Variants in SH3BGRL observed in about 807,000 individuals in gnomAD.
SH3BGRL encodes SH3 domain binding glutamate rich protein like.
SH3BGRL carries 7 observed loss-of-function variants against 9.8 expected under a neutral mutation model. That is an observed-to-expected ratio of 0.72 (90% CI 0.41 to 1.35). The LOEUF (loss-of-function observed/expected upper bound fraction) is 1.35, where lower values mean the gene tolerates loss of function less well. Ranked by LOEUF, SH3BGRL falls within the 40% of genes most tolerant of loss-of-function variation. The pLI, the probability that SH3BGRL is intolerant of heterozygous loss-of-function variation, is 0.01. For synonymous variants in SH3BGRL, 36 were observed against 29.1 expected, an observed-to-expected ratio of 1.24 and a Z score of -0.76; for missense variants, 73 against 84.4, an observed-to-expected ratio of 0.86 and a Z score of 0.53.
chrX:81,268,839 T>G (rs2075766718), intron 1 of SH3BGRL, among the ~76,000 whole-genome samples: 1 of 111,346 alleles, frequency 9.0e-6, no homozygotes. Context: ...CCATTATTAT[T>G]GTGTGGGAGT....
chrX:81,272,195 CA>C (rs11380632), intron 1 of SH3BGRL, among the ~76,000 whole-genome samples: 29 of 74,823 alleles, frequency 3.9e-4, no homozygotes, highest in East Asian at 4.3e-4. Context: ...AGACTGCGTC[CA>C]AAAAAAAAAA....
chrX:81,260,313 T>C (rs1303243819), intron 1 of SH3BGRL, among the ~76,000 whole-genome samples: 2 of 111,153 alleles, frequency 1.8e-5, no homozygotes, highest in African/African-American at 6.5e-5. Flanking sequence ...TTGGAGCATG[T>C]TCCTTAATCC....
At chrX:81,293,009 CTG>C (rs1250753341) in intron 3 of SH3BGRL, among the ~76,000 whole-genome samples, 1 of 112,133 alleles carries the variant, frequency 8.9e-6, no homozygotes, top group Non-Finnish European at 1.9e-5. Flanking sequence ...GGCTCTGTGT[CTG>C]CATCCAAATC....
intron 1 of SH3BGRL, among the ~76,000 whole-genome samples, chrX:81,247,435 T>C (rs1275461811): frequency 8.9e-6 from 1 of 111,887 alleles, no homozygotes; most frequent in Admixed American, 9.5e-5. Flanking sequence ...TGATGTTGGC[T>C]GTTGGTTTGA....
chrX:81,230,465 T>G (rs2075629549), intron 1 of SH3BGRL, among the ~76,000 whole-genome samples: 1 of 112,004 alleles, frequency 8.9e-6, no homozygotes. Context: ...CTGGAGGTGA[T>G]GTTTAAACTG....
intron 1 of SH3BGRL, among the ~76,000 whole-genome samples, chrX:81,231,611 G>C (rs933615870): frequency 3.6e-5 from 4 of 111,883 alleles, no homozygotes; most frequent in Non-Finnish European, 7.5e-5. Context: ...TAGAAGGAGG[G>C]TTCCTAACTC....
chrX:81,294,316 C>T (rs2075867286), intron 3 of SH3BGRL, among the ~76,000 whole-genome samples: 1 of 109,830 alleles, frequency 9.1e-6, no homozygotes, highest in South Asian at 3.9e-4. Flanking sequence ...TGGTTCAGAC[C>T]CAGTGTCTGC....
intron 3 of SH3BGRL, among the ~76,000 whole-genome samples, chrX:81,289,362 CA>C (rs1424873082): frequency 9.0e-6 from 1 of 111,079 alleles, no homozygotes; most frequent in Non-Finnish European, 1.9e-5. Context: ...TTGATCTGGG[CA>C]AAAATTTGTT....
intron 3 of SH3BGRL, among the ~76,000 whole-genome samples, chrX:81,280,396 T>A (rs781536432): frequency 9.0e-6 from 1 of 111,697 alleles, no homozygotes; most frequent in East Asian, 2.8e-4. Context: ...CCACCAAAGC[T>A]TAGGACCCTC....
intron 1 of SH3BGRL, among the ~76,000 whole-genome samples, chrX:81,239,070 C>A (rs1361989562): frequency 3.6e-5 from 4 of 111,434 alleles, no homozygotes; most frequent in Non-Finnish European, 7.5e-5. Flanking sequence ...ACAAACAAGC[C>A]CAAACATTGA....
chrX:81,227,694 C>T (rs987518806), intron 1 of SH3BGRL, among the ~76,000 whole-genome samples: 3 of 111,817 alleles, frequency 2.7e-5, no homozygotes, highest in South Asian at 7.4e-4. Context: ...ATAATAATAA[C>T]ATTTACTTGC....
At chrX:81,241,385 T>C (rs1003968590) in intron 1 of SH3BGRL, among the ~76,000 whole-genome samples, 1 of 111,816 alleles carries the variant, frequency 8.9e-6, no homozygotes. Context: ...ACAGATAAAG[T>C]CTGAAATCTG....
chrX:81,270,438 G>A (rs1190572940), intron 1 of SH3BGRL, among the ~76,000 whole-genome samples: 1 of 112,189 alleles, frequency 8.9e-6, no homozygotes, highest in East Asian at 2.8e-4. Context: ...TGATGTTGAT[G>A]CTATTCCTTT....
At chrX:81,232,012 C>T (rs1416009060) in intron 1 of SH3BGRL, among the ~76,000 whole-genome samples, 2 of 105,632 alleles carry the variant, frequency 1.9e-5, no homozygotes, top group Non-Finnish European at 4.0e-5. Context: ...GTGTGTGTGT[C>T]TACACAGACA....
intron 3 of SH3BGRL, among the ~76,000 whole-genome samples, chrX:81,282,012 A>C (rs867761515): frequency 2.7e-5 from 3 of 112,037 alleles, no homozygotes; most frequent in Middle Eastern, 4.6e-3. Flanking sequence ...ATGGACACCA[A>C]ATGAGAGTGG....
At chrX:81,264,239 TC>T (rs748707762) in intron 1 of SH3BGRL, among the ~76,000 whole-genome samples, 74 of 108,801 alleles carry the variant, frequency 6.8e-4, no homozygotes, top group Middle Eastern at 4.7e-3. Flanking sequence ...GTCTAGTATA[TC>T]CCCCCCATGA....
At chrX:81,289,127 C>T (rs1422017961) in intron 3 of SH3BGRL, among the ~76,000 whole-genome samples, 1 of 111,939 alleles carries the variant, frequency 8.9e-6, no homozygotes, top group East Asian at 2.8e-4. Flanking sequence ...ATCCTCACAT[C>T]TACGGTGAAC....
intron 1 of SH3BGRL, among the ~76,000 whole-genome samples, chrX:81,225,253 A>G (rs2075613177): frequency 9.0e-6 from 1 of 111,345 alleles, no homozygotes; most frequent in Non-Finnish European, 1.9e-5. Flanking sequence ...CTGTTTTAGC[A>G]TAGAGCAGGA....
rs143589579 is a variant in SH3BGRL at position 81,284,320 on chromosome X, T to G, written c.312+5909T>G. On this transcript the variant is annotated intron_variant, in intron 3 of 3. Transcript: ENST00000373212. ...ATAGAAAAAAATCCTAAAATTCATA[T>G]GAAATCAAAAAGTGATTGAGAGGGC... is the stretch of plus-strand genomic sequence containing the variant. Among the ~76,000 whole-genome samples, 414 of 109,629 alleles carry G rather than the reference T, an allele frequency of 3.8e-3. 1 individual carries two copies. Among genetic ancestry groups the G allele is most frequent in the African/African-American group, 0.013 (377 of 30,122 alleles).
Sources: allele counts gnomAD v4.1 joint callset (sites outside exome capture counted in the v4.1 genomes callset), GRCh38; gene constraint gnomAD v4.1.1; transcripts MANE v1.5; gene names NCBI Gene and HGNC (gene_info 2026-07-23, HGNC 2026-07-21).